The following PIK3C2G variants were observed in gnomAD, a reference collection of about 807,000 sequenced individuals.
The protein encoded by PIK3C2G is phosphatidylinositol-4-phosphate 3-kinase catalytic subunit type 2 gamma.
A neutral mutation model predicts 181.1 loss-of-function variants in PIK3C2G; 168 were observed. The ratio of observed to expected loss-of-function variants is 0.93; its 90% confidence interval spans 0.82 to 1.05. The LOEUF is 1.05. Ranked by LOEUF, PIK3C2G falls within the 50% of genes least tolerant of loss-of-function variation. The pLI is 0.00. For missense variants in PIK3C2G, 1,869 were observed against 1,732.8 expected, an observed-to-expected ratio of 1.08 and a Z score of -1.40; for synonymous variants, 573 against 592.2, an observed-to-expected ratio of 0.97 and a Z score of 0.47.
At chr12:18,243,194 C>CTGTGTGTG (rs71440357), upstream of PIK3C2G, among the ~76,000 whole-genome samples, 141 of 148,318 alleles carry the variant, frequency 9.5e-4, no homozygotes, top group African/African-American at 3.3e-3. Context: ...TAAAGTCTTT[C>CTGTGTGTG]TGTGTGTGTG....
intron 1 of PIK3C2G, among the ~76,000 whole-genome samples, chr12:18,266,849 C>T (rs369669162): frequency 6.6e-6 from 1 of 151,572 alleles, no homozygotes; most frequent in Non-Finnish European, 1.5e-5. Flanking sequence ...CCTCCTCATT[C>T]TCTTCTTTTT....
chr12:18,631,841 G>C (rs1193483138), intron 31 of PIK3C2G, among the ~76,000 whole-genome samples: 1 of 152,112 alleles, frequency 6.6e-6, no homozygotes, highest in East Asian at 1.9e-4. Flanking sequence ...GATAGATTCA[G>C]ATTGAAGTTT....
intron 1 of PIK3C2G, among the ~76,000 whole-genome samples, chr12:18,249,968 A>G (rs965876608): frequency 6.6e-6 from 1 of 152,094 alleles, no homozygotes; most frequent in Non-Finnish European, 1.5e-5. Flanking sequence ...CAGTGAAAAT[A>G]ATATTTCCTT....
intron 24 of PIK3C2G, among the ~76,000 whole-genome samples, chr12:18,537,578 G>T (rs933726769): frequency 6.6e-6 from 1 of 151,954 alleles, no homozygotes; most frequent in Non-Finnish European, 1.5e-5. Context: ...TAATGATATG[G>T]TCTACTCATA....
intron 29 of PIK3C2G, among the ~76,000 whole-genome samples, chr12:18,570,423 G>C (rs1321715588): frequency 6.7e-6 from 1 of 149,672 alleles, no homozygotes; most frequent in Non-Finnish European, 1.5e-5. Context: ...TAGCCAGGCT[G>C]GTCTTGAACT....
At position 18,282,586 on chromosome 12, in the gene PIK3C2G, A is replaced by G. The variant is rs1459944289; in HGVS notation, c.505A>G (p.Ile169Val). 1.2e-6 allele frequency: 2 copies of G among 1,612,454 alleles called. No homozygotes were observed. Among genetic ancestry groups the G allele is most frequent in the South Asian group, 2.2e-5 (2 of 91,054 alleles). The part of the protein sequence containing the change: ...ELENENHNYH[I>V]GFESSIPPTN... ...AGAAAATGAAAATCATAACTACCAT[A>G]TAGGATTTGAAAGTAGCATTCCTCC... is the stretch of plus-strand genomic sequence containing the variant. The change falls in exon 2 of 33, where the codon ATA becomes GTA. Residue 169 changes from isoleucine to valine, a missense_variant. Physicochemically the swap from Ile to Val is conservative, Grantham distance 29. Coordinates refer to ENST00000538779, the MANE Select transcript of PIK3C2G (RefSeq NM_001288772.2).
intron 3 of PIK3C2G, among the ~76,000 whole-genome samples, chr12:18,290,613 T>G (rs905577778): frequency 4.6e-5 from 7 of 152,208 alleles, no homozygotes; most frequent in Admixed American, 3.9e-4. Context: ...TCAAATGAGA[T>G]GCTCCTGGGA....
At chr12:18,693,313 C>T in the PIK3C2G span, 6 of 1,534,908 alleles carry the variant, frequency 3.9e-6, no homozygotes, top group South Asian at 4.5e-5. Flanking sequence ...GTGGAAAAGG[C>T]CCCCCAAGAG....
the PIK3C2G span, among the ~76,000 whole-genome samples, chr12:18,659,722 G>A: frequency 4.0e-4 from 56 of 139,030 alleles, no homozygotes; most frequent in African/African-American, 1.4e-3. Context: ...TGTGCACAAC[G>A]TGCAGGTTTG....
At chr12:18,353,632 A>G (rs1008230739) in intron 11 of PIK3C2G, among the ~76,000 whole-genome samples, 29 of 152,150 alleles carry the variant, frequency 1.9e-4, no homozygotes, top group African/African-American at 6.8e-4. Context: ...TCTCTACTGT[A>G]AAAACCGAGT....
chr12:18,421,348 G>A (rs552855962), intron 17 of PIK3C2G, among the ~76,000 whole-genome samples: 1 of 151,982 alleles, frequency 6.6e-6, no homozygotes, highest in East Asian at 1.9e-4. Flanking sequence ...CCAAATAAAT[G>A]TTATGTAGAA....
rs570767143 is a variant in PIK3C2G at position 18,594,879 on chromosome 12, T to C, written c.4087+310T>C. On this transcript the variant is annotated intron_variant, in intron 30 of 32. Transcript: ENST00000538779. ...TAAATTGCAGACCACTGTCAAATCTTTTTTATTTTGATTATAATATTATTT... is the reference window on the plus strand; with the variant it reads ...TAAATTGCAGACCACTGTCAAATCTCTTTTATTTTGATTATAATATTATTT... Among the ~76,000 whole-genome samples the C allele has an allele frequency of 1.2e-3, 184 of 152,176 alleles. 1 individual carries two copies. In the South Asian group the frequency reaches 0.018, roughly 15 times the overall value.
chr12:18,249,774 CTAA>C (rs1948077583), intron 1 of PIK3C2G, among the ~76,000 whole-genome samples: 1 of 52,040 alleles, frequency 1.9e-5, no homozygotes, highest in Non-Finnish European at 4.4e-5. Flanking sequence ...AAATCTTCTG[CTAA>C]CTTTTTTCAT....
chr12:18,561,948 T>G (rs1945366094), intron 26 of PIK3C2G, among the ~76,000 whole-genome samples: 2 of 152,022 alleles, frequency 1.3e-5, no homozygotes, highest in South Asian at 2.1e-4. Flanking sequence ...ACAATGAAAG[T>G]TGAGCCATAA....
chr12:18,505,369 T>G lies in PIK3C2G; in HGVS notation c.3231T>G (p.Asn1077Lys). ...TFILGVCDRH[N>K]DNIMLTKSGH... ...TCCTGGGAGTATGTGACCGTCACAATGATAATATCATGCTGACAAAGTCGG... is the reference window on the plus strand; with the variant it reads ...TCCTGGGAGTATGTGACCGTCACAAGGATAATATCATGCTGACAAAGTCGG... The change falls in exon 24 of 33, where the codon AAT becomes AAG. Residue 1077 changes from asparagine (N) to lysine (K), a missense_variant. Coordinates refer to ENST00000538779, the MANE Select transcript of PIK3C2G (RefSeq NM_001288772.2). The G allele has an allele frequency of 6.2e-7, 1 of 1,613,456 alleles. No individual in the cohort carries two copies. The highest frequency in any genetic ancestry group is 8.5e-7 in the Non-Finnish European group (1 of 1,179,640).
intron 20 of PIK3C2G, among the ~76,000 whole-genome samples, chr12:18,495,426 A>T (rs1350660086): frequency 6.6e-6 from 1 of 152,162 alleles, no homozygotes; most frequent in Non-Finnish European, 1.5e-5. Flanking sequence ...TGCTATTTAT[A>T]AAAAACAAGA....
chr12:18,574,392 A>G (rs1946127048), intron 29 of PIK3C2G, among the ~76,000 whole-genome samples: 1 of 152,220 alleles, frequency 6.6e-6, no homozygotes, highest in South Asian at 2.1e-4. Context: ...CCATTTTTAT[A>G]AAGAAAAACT....
At chr12:18,507,095 T>A (rs1046694681) in intron 24 of PIK3C2G, among the ~76,000 whole-genome samples, 5 of 151,960 alleles carry the variant, frequency 3.3e-5, no homozygotes, top group African/African-American at 9.7e-5. Context: ...AGTGGCATGA[T>A]CTTGGATGAC....
intron 18 of PIK3C2G, among the ~76,000 whole-genome samples, chr12:18,470,352 G>T (rs968572646): frequency 2.0e-5 from 3 of 152,026 alleles, no homozygotes; most frequent in African/African-American, 7.2e-5. Flanking sequence ...AGGGTCCAGG[G>T]TCTCTAATAC....
Sources: gnomAD v4.1 joint callset for allele counts (sites outside exome capture counted in the v4.1 genomes callset) on GRCh38, gnomAD v4.1.1 for gene constraint, MANE v1.5 for transcripts, NCBI Gene and HGNC (gene_info 2026-07-23, HGNC 2026-07-21) for gene names.